Variants in CHRNG observed in about 807,000 individuals in gnomAD.
CHRNG encodes acetylcholine receptor subunit gamma.
In CHRNG, 72 loss-of-function variants were observed where a neutral mutation model predicts 65.2. The observed-to-expected ratio is 1.10, with a 90% CI of 0.91 to 1.34. The LOEUF (loss-of-function observed/expected upper bound fraction) is 1.34, where lower values mean the gene tolerates loss of function less well. Among genes scored for constraint, CHRNG ranks in the 40% most tolerant of loss-of-function variants. CHRNG has a pLI of 0.00. For synonymous variants in CHRNG, 284 were observed against 290.2 expected, an observed-to-expected ratio of 0.98 and a Z score of 0.22; for missense variants, 637 against 680.1, an observed-to-expected ratio of 0.94 and a Z score of 0.70.
chr2:232,548,058 T>C lies in CHRNG; in HGVS notation c.*2342T>C. The C allele has an allele frequency of 1.7e-6, 1 of 580,762 alleles. No individual in the cohort carries two copies. The highest frequency in any genetic ancestry group is 3.0e-6 in the Non-Finnish European group (1 of 332,854). The allele number at this position is 580,762 out of a possible 1,614,324, so 36.0% of individuals were successfully genotyped here. A position where few individuals can be genotyped will look rare whatever the true frequency, so the allele number is the denominator to read the frequency against. ...GCAATAGCATTGTCTAATAAAACAA[T>C]ATACATACCTAAATTTAAAAATACT... is the stretch of plus-strand genomic sequence containing the variant. On this transcript the variant is annotated 3_prime_UTR_variant, in exon 12 of 12. Transcript: ENST00000651502.
intron 11 of CHRNG, 98 bp from the exon 12 acceptor site, chr2:232,545,445 T>C (rs1184888495): frequency 9.0e-7 from 1 of 1,115,684 alleles, no homozygotes; most frequent in Non-Finnish European, 1.3e-6. Flanking sequence ...CCCCAGGAAA[T>C]GGAGACATGG....
In CHRNG at chr2:232,546,363, T is replaced by C. The variant is rs1026982155; in HGVS notation, c.*647T>C. On this transcript the variant is annotated 3_prime_UTR_variant, in exon 12 of 12. Transcript: ENST00000651502. ...TGTGTTGTTGTTGTTTTGTTTAGTT[T>C]TGAGATAGAGCCTCACTCTTGTCAT... The C allele has an allele frequency of 1.3e-5, 2 of 157,616 alleles. No homozygotes were observed. The highest frequency in any genetic ancestry group is 4.9e-5 in the African/African-American group (2 of 40,978). The allele number at this position is 157,616 out of a possible 1,614,324, so 9.8% of individuals were successfully genotyped here. A position where few individuals can be genotyped will look rare whatever the true frequency, so the allele number is the denominator to read the frequency against.
intron 7 of CHRNG, 82 bp from the exon 8 acceptor site, chr2:232,543,193 G>A: frequency 6.6e-7 from 1 of 1,519,940 alleles, no homozygotes; most frequent in Non-Finnish European, 9.1e-7. Context: ...GACAGAGGCA[G>A]CGGGCTACTT....
intron 8 of CHRNG, 87 bp downstream of exon 8, chr2:232,543,476 A>ATCC (rs1692059064): frequency 8.5e-7 from 1 of 1,173,506 alleles, no homozygotes. Context: ...CTTGCCCTCC[A>ATCC]TCCACCCCCC....
Position 232,543,766 on chromosome 2 carries a change from C to T in CHRNG, c.1035+67C>T, listed in dbSNP as rs1692068658. On this transcript the variant is annotated intron_variant, in intron 9 of 11. Coordinates refer to ENST00000651502, the MANE Select transcript of CHRNG (RefSeq NM_005199.5). ...TCCCCTACGCCTCCCTCTCGCACGC[C>T]CCGGCAGTACTCACCTGTGGCATTC... 5.3e-6 allele frequency: 5 copies of T among 940,102 alleles called. No individual in the cohort carries two copies. The Admixed American group carries it at 9.2e-5, about 17-fold the overall frequency. 58.2% of individuals were successfully genotyped at this position (940,102 alleles called of 1,614,324 possible).
chr2:232,540,468 C>A lies in CHRNG; in HGVS notation c.240+43C>A. 6.2e-7 allele frequency: 1 copy of A among 1,610,302 alleles called. No homozygotes were observed. The highest frequency in any genetic ancestry group is 8.5e-7 in the Non-Finnish European group (1 of 1,178,512). ...CACCCTCCTTCCATCAGGGGTCCCA[C>A]CCCACCACCCCAAGGCCTCCTGAGA... is the stretch of plus-strand genomic sequence containing the variant. On this transcript the variant is annotated intron_variant, in intron 3 of 11. Transcript: ENST00000651502. The surrounding 1 kb of genome is among the most constrained non-coding windows in gnomAD (Gnocchi z 4.2).
In CHRNG at chr2:232,546,048, T is replaced by C. The variant is rs970582524; in HGVS notation, c.*332T>C. 4.6e-6 allele frequency: 2 copies of C among 432,142 alleles called. No individual in the cohort carries two copies. The highest frequency in any genetic ancestry group is 4.0e-5 in the African/African-American group (2 of 49,572). The allele number at this position is 432,142 out of a possible 1,614,324, so 26.8% of individuals were successfully genotyped here. A position where few individuals can be genotyped will look rare whatever the true frequency, so the allele number is the denominator to read the frequency against. ...CCCATCAGTCTGAAGCCCGAAGGAC[T>C]GTTTTGTATAATACCTTCGGACTTG... On this transcript the variant is annotated 3_prime_UTR_variant, in exon 12 of 12. Coordinates refer to ENST00000651502, the MANE Select transcript of CHRNG (RefSeq NM_005199.5).
At chr2:232,545,350 A>G (rs1298096489) in intron 11 of CHRNG, among the ~76,000 whole-genome samples, 193 bp from the exon 12 acceptor site, 1 of 142,728 alleles carries the variant, frequency 7.0e-6, no homozygotes, top group Non-Finnish European at 1.6e-5. Flanking sequence ...AAGAAAGAAA[A>G]AGGAACAGGG....
In CHRNG at chr2:232,540,920, C is replaced by A. The variant is rs995234014; in HGVS notation, c.350+209C>A. Among the ~76,000 whole-genome samples the A allele has an allele frequency of 1.3e-5, 2 of 152,118 alleles. No individual in the cohort carries two copies. The highest frequency in any genetic ancestry group is 6.5e-5 in the Admixed American group (1 of 15,274). On this transcript the variant is annotated intron_variant, in intron 4 of 11. Transcript: ENST00000651502. This position sits in a 1 kb window ranked among gnomAD's most constrained non-coding sequence, Gnocchi z 4.2. ...CAGGGCCAGCAGAGCAGACCCTACG[C>A]CAGGCTCCATCTCCTCTGGGCTGGG...
rs774793755 is a variant in CHRNG, at chr2:232,547,207, G to A, written c.*1491G>A. Among the ~76,000 whole-genome samples, 2 of 152,114 alleles carry A rather than the reference G, an allele frequency of 1.3e-5. No individual in the cohort carries two copies. The highest frequency in any genetic ancestry group is 2.1e-4 in the South Asian group (1 of 4,826). Reference sequence around the variant, plus strand: ...GGACTGCTTGAGCTCAGGAGCCCACGAACCCAGGAACCCAGCCTGGGCAAC... The same window carrying A: ...GGACTGCTTGAGCTCAGGAGCCCACAAACCCAGGAACCCAGCCTGGGCAAC... On this transcript the variant is annotated 3_prime_UTR_variant, in exon 12 of 12. Transcript: ENST00000651502.
Position 232,539,731 on chromosome 2 carries a change from C to A in CHRNG, c.-17C>A, listed in dbSNP as rs1321657427. 6.2e-7 allele frequency: 1 copy of A among 1,613,484 alleles called. No homozygotes were observed. Among genetic ancestry groups the A allele is most frequent in the Non-Finnish European group, 8.5e-7 (1 of 1,179,824 alleles). ...AGCTGTTGTCCCACCCCTGTCACTG[C>A]AGAGAGCTGAGGCACCATGCATGGG... On this transcript the variant is annotated 5_prime_UTR_variant, in exon 1 of 12. Coordinates refer to ENST00000651502, the MANE Select transcript of CHRNG (RefSeq NM_005199.5).
In CHRNG at chr2:232,543,099, G is replaced by C. The variant is rs368225965; in HGVS notation, c.805+17G>C. The C allele has an allele frequency of 1.2e-6, 2 of 1,612,580 alleles. No individual in the cohort carries two copies. Among genetic ancestry groups the C allele is most frequent in the Non-Finnish European group, 1.7e-6 (2 of 1,178,724 alleles). ...CTGCCAAGGGTACCTGGAGCCTATG[G>C]GAAGGAGCCATCCAGTAGCACAGGG... On this transcript the variant is annotated intron_variant, in intron 7 of 11. Transcript: ENST00000651502.
rs144323121 is a variant in CHRNG at position 232,541,463 on chromosome 2, G to A, written c.440G>A (p.Arg147His). The stretch of plus-strand genomic sequence containing the variant: ...TACTGGCTGCCGCCTGCCATCTTCC[G>A]TTCCGCCTGCTCTATCTCAGTCACC... ...CIYWLPPAIF[R>H]SACSISVTYF... Residue 147 changes from arginine (R) to histidine (H), a missense_variant, in exon 5 of 12, where the codon CGT becomes CAT. Physicochemically the swap from Arg to His is conservative, Grantham distance 29. Coordinates refer to ENST00000651502, the MANE Select transcript of CHRNG (RefSeq NM_005199.5). This position sits in a 1 kb window ranked among gnomAD's most constrained non-coding sequence, Gnocchi z 4.0. 5.3e-5 allele frequency: 86 copies of A among 1,613,994 alleles called. 1 individual carries two copies. The highest frequency in any genetic ancestry group is 3.3e-4 in the Middle Eastern group (2 of 6,084).
chr2:232,548,054 A>C lies in CHRNG; in HGVS notation c.*2338A>C, dbSNP rs2106225194. On this transcript the variant is annotated 3_prime_UTR_variant, in exon 12 of 12. Transcript: ENST00000651502. ...GAGTGCAATAGCATTGTCTAATAAA[A>C]CAATATACATACCTAAATTTAAAAA... The C allele has an allele frequency of 1.7e-6, 1 of 580,228 alleles. No individual in the cohort carries two copies. Among genetic ancestry groups the C allele is most frequent in the Non-Finnish European group, 3.0e-6 (1 of 332,776 alleles). 35.9% of individuals were successfully genotyped at this position (580,228 alleles called of 1,614,324 possible).
At chr2:232,542,387 C>A (rs773411025) in intron 5 of CHRNG, 36 bp from the exon 6 acceptor site, 13 of 1,449,640 alleles carry the variant, frequency 9.0e-6, no homozygotes, top group Non-Finnish European at 1.3e-5. Context: ...CAGGTCCACC[C>A]GCTCACATTT....
intron 9 of CHRNG, among the ~76,000 whole-genome samples, chr2:232,543,948 G>A (rs577620943): frequency 6.6e-6 from 1 of 152,358 alleles, no homozygotes; most frequent in Admixed American, 6.5e-5. Flanking sequence ...AGATGAGGAC[G>A]TTGAGGCGCA....
intron 5 of CHRNG, 67 bp from the exon 6 acceptor site, chr2:232,542,356 G>C (rs1692034709): frequency 9.7e-7 from 1 of 1,031,540 alleles, no homozygotes; most frequent in East Asian, 2.4e-5. Context: ...TCCCCAGAAG[G>C]TCATCCCCAT....
intron 9 of CHRNG, 129 bp from the exon 10 acceptor site, chr2:232,544,238 T>C (rs1692077696): frequency 3.8e-6 from 3 of 788,788 alleles, no homozygotes; most frequent in Non-Finnish European, 4.5e-6. Context: ...TAGAAAGCTT[T>C]ACCAAGGCCA....
Position 232,541,749 on chromosome 2 carries a change from C to T in CHRNG, c.506+220C>T, listed in dbSNP as rs1692020492. The T allele has an allele frequency of 1.7e-6, 1 of 605,250 alleles. No individual in the cohort carries two copies. Among genetic ancestry groups the T allele is most frequent in the African/African-American group, 1.9e-5 (1 of 54,038 alleles). 37.5% of individuals were successfully genotyped at this position (605,250 alleles called of 1,614,324 possible). A position where few individuals can be genotyped will look rare whatever the true frequency, so the allele number is the denominator to read the frequency against. The stretch of plus-strand genomic sequence containing the variant: ...AGTCCCCTCACTCATCCTTTACTGC[C>T]TCAGTTTCCTCACCTGTGCTCCAAG... On this transcript the variant is annotated intron_variant, in intron 5 of 11. Coordinates refer to ENST00000651502, the MANE Select transcript of CHRNG (RefSeq NM_005199.5). The surrounding 1 kb of genome is among the most constrained non-coding windows in gnomAD (Gnocchi z 4.0).
Sources: allele counts gnomAD v4.1 joint callset (sites outside exome capture counted in the v4.1 genomes callset), GRCh38; gene constraint gnomAD v4.1.1; non-coding constraint Gnocchi (gnomAD v3.1); transcripts MANE v1.5; gene names NCBI Gene and HGNC (gene_info 2026-07-23, HGNC 2026-07-21).